Variants in ARHGAP32 observed in about 807,000 individuals in gnomAD.
The protein encoded by ARHGAP32 is rho GTPase-activating protein 32.
In ARHGAP32, 51 loss-of-function variants were observed where a neutral mutation model predicts 186.5. The observed-to-expected ratio is 0.27, with a 90% CI of 0.22 to 0.35. The LOEUF (loss-of-function observed/expected upper bound fraction) is 0.35. Ranked by LOEUF, ARHGAP32 falls within the 10% of genes least tolerant of loss-of-function variation. The pLI, the probability that ARHGAP32 is intolerant of heterozygous loss-of-function variation, is 1.00. For missense variants in ARHGAP32, 2,186 were observed against 2,623.5 expected (o/e 0.83, Z 3.64); for synonymous variants, 950 against 964.3 (o/e 0.99, Z 0.27).
At chr11:129,177,125 A>C (rs1334353979) in intron 1 of ARHGAP32, among the ~76,000 whole-genome samples, 1 of 152,022 alleles carries the variant, frequency 6.6e-6, no homozygotes, top group Non-Finnish European at 1.5e-5. Flanking sequence ...ATCCCACAGA[A>C]ATACAAACTA....
chr11:129,220,349 T>C (rs1591703548), intron 1 of ARHGAP32, among the ~76,000 whole-genome samples: 1 of 152,164 alleles, frequency 6.6e-6, no homozygotes, highest in Non-Finnish European at 1.5e-5. Flanking sequence ...TTTTTCTAAG[T>C]GTGACTGATA....
intron 5 of ARHGAP32, among the ~76,000 whole-genome samples, chr11:129,112,187 G>A (rs1473235706): frequency 2.0e-5 from 3 of 151,832 alleles, no homozygotes; most frequent in African/African-American, 7.3e-5. Context: ...AGGTTGCAGT[G>A]AGCCAAGATT....
upstream of ARHGAP32, among the ~76,000 whole-genome samples, chr11:129,193,493 A>ATAT (rs1245586487): frequency 1.0e-5 from 1 of 98,586 alleles, no homozygotes; most frequent in African/African-American, 4.0e-5. Flanking sequence ...AAAAAAAAAA[A>ATAT]AAAAAAATAT....
Position 129,066,747 on chromosome 11 carries a change from A to G in ARHGAP32, c.653T>C (p.Leu218Pro), listed in dbSNP as rs1407357134. 10 of 1,612,206 alleles carry G rather than the reference A, an allele frequency of 6.2e-6. No individual in the cohort carries two copies. Among genetic ancestry groups the G allele is most frequent in the African/African-American group, 2.7e-5 (2 of 74,830 alleles). Residue 218 changes from leucine (L) to proline (P), a missense_variant, in exon 7 of 23, where the codon CTG (leucine) becomes CCG (proline). This residue lies in a region of ARHGAP32 where 308 missense variants were observed against 596.5 expected (regional missense o/e 0.52). Coordinates refer to ENST00000682385, the MANE Select transcript of ARHGAP32 (RefSeq NM_001378024.1). ...QLSELPRSDT[L>P]KDSPESVTQM... ...AATGCTTACCTCTGGACTGTCCTTC[A>G]GGGTGTCAGAACGGGGAAGTTCTGA...
intron 6 of ARHGAP32, among the ~76,000 whole-genome samples, chr11:129,086,593 G>A (rs541487636): frequency 3.9e-5 from 6 of 152,048 alleles, no homozygotes; most frequent in South Asian, 2.1e-4. Context: ...AGGCCAAGGC[G>A]GGCGGATCAC....
chr11:129,148,533 C>T (rs1238806006), intron 2 of ARHGAP32, among the ~76,000 whole-genome samples: 2 of 152,166 alleles, frequency 1.3e-5, no homozygotes, highest in African/African-American at 4.8e-5. Context: ...GGAAGGCAGG[C>T]AGCAGAATTA....
rs564759927 is a variant in ARHGAP32, at chr11:129,170,563, C to T, written c.117-6136G>A. ...CCATGGTGCATATGTACCACATTTTCTTTATCCAGTCTGTCACTGATGGCC... is the reference window on the plus strand; with the variant it reads ...CCATGGTGCATATGTACCACATTTTTTTTATCCAGTCTGTCACTGATGGCC... On this transcript the variant is annotated intron_variant, in intron 1 of 22. Coordinates refer to ENST00000682385, the MANE Select transcript of ARHGAP32 (RefSeq NM_001378024.1). Among the ~76,000 whole-genome samples the T allele has an allele frequency of 3.3e-5, 5 of 152,260 alleles. No individual in the cohort carries two copies. In the South Asian group the frequency reaches 1.0e-3, roughly 32 times the overall value.
At chr11:129,054,955 G>A (rs2186655) in intron 10 of ARHGAP32, among the ~76,000 whole-genome samples, 71,219 of 151,994 alleles carry the variant, frequency 0.47, 17,395 homozygotes, top group Non-Finnish European at 0.54. Flanking sequence ...CTGGGCTAGT[G>A]CAATACTTAG....
At chr11:128,981,036 C>T (rs971779733) in intron 17 of ARHGAP32, among the ~76,000 whole-genome samples, 2 of 152,278 alleles carry the variant, frequency 1.3e-5, no homozygotes, top group South Asian at 2.1e-4. Flanking sequence ...CAGTGGCACA[C>T]ATACACACAT....
At chr11:129,180,102 A>C in intron 1 of ARHGAP32, among the ~76,000 whole-genome samples, 1 of 152,312 alleles carries the variant, frequency 6.6e-6, no homozygotes, top group East Asian at 1.9e-4. Flanking sequence ...GTATTTACAT[A>C]TACCACTATA....
intron 1 of ARHGAP32, among the ~76,000 whole-genome samples, chr11:129,235,442 T>C (rs375552351): frequency 6.6e-6 from 1 of 152,166 alleles, no homozygotes; most frequent in Admixed American, 6.5e-5. Flanking sequence ...AAAATTGTCA[T>C]CATCTGTAGC....
intron 2 of ARHGAP32, among the ~76,000 whole-genome samples, chr11:129,144,018 A>C (rs1943118377): frequency 6.6e-6 from 1 of 152,230 alleles, no homozygotes; most frequent in African/African-American, 2.4e-5. Flanking sequence ...AGATTTATTA[A>C]AACTGTGTTA....
At chr11:129,010,504 T>C (rs1375452279) in intron 11 of ARHGAP32, among the ~76,000 whole-genome samples, 3 of 152,208 alleles carry the variant, frequency 2.0e-5, no homozygotes, top group African/African-American at 4.8e-5. Flanking sequence ...TTCAATTTTC[T>C]GCGTATGGCT....
intron 5 of ARHGAP32, among the ~76,000 whole-genome samples, chr11:129,102,796 G>A (rs1279392013): frequency 6.6e-6 from 1 of 152,006 alleles, no homozygotes; most frequent in Admixed American, 6.5e-5. Flanking sequence ...AGAGAATGGT[G>A]GTCCTCAAAA....
chr11:129,129,844 T>G (rs538227901), intron 2 of ARHGAP32, among the ~76,000 whole-genome samples: 2 of 152,340 alleles, frequency 1.3e-5, no homozygotes, highest in Admixed American at 1.3e-4. Flanking sequence ...TTCTGATAGT[T>G]ACTTCTTCAC....
chr11:129,186,962 C>CAA (rs138524692), intron 1 of ARHGAP32, among the ~76,000 whole-genome samples: 1 of 151,942 alleles, frequency 6.6e-6, no homozygotes, highest in Non-Finnish European at 1.5e-5. Context: ...GGAAGTTCCT[C>CAA]AAAAAAACTA....
At chr11:129,051,203 T>C (rs1187866392) in intron 10 of ARHGAP32, among the ~76,000 whole-genome samples, 1 of 152,226 alleles carries the variant, frequency 6.6e-6, no homozygotes, top group South Asian at 2.1e-4. Context: ...TTCTAGATCC[T>C]TGAGGAACTG....
intron 11 of ARHGAP32, among the ~76,000 whole-genome samples, chr11:129,003,277 G>A (rs1450370174): frequency 6.6e-6 from 1 of 152,108 alleles, no homozygotes; most frequent in Non-Finnish European, 1.5e-5. Context: ...ATGTGTTATT[G>A]AATTCAGTTT....
At chr11:129,077,092 G>A (rs184147923) in intron 6 of ARHGAP32, among the ~76,000 whole-genome samples, 140 of 152,288 alleles carry the variant, frequency 9.2e-4, no homozygotes, top group African/African-American at 3.2e-3. Flanking sequence ...AGCTGGAAGA[G>A]CCCTGTAGAC....
Sources: allele counts gnomAD v4.1 joint callset (sites outside exome capture counted in the v4.1 genomes callset), GRCh38; gene constraint gnomAD v4.1.1; regional missense constraint gnomAD v4.1.1; transcripts MANE v1.5; gene names NCBI Gene and HGNC (gene_info 2026-07-23, HGNC 2026-07-21).